HSPH1: variants seen among roughly 807,000 people sequenced by gnomAD.
HSPH1 encodes heat shock protein 105 kDa.
In HSPH1, 40 loss-of-function variants were observed where a neutral mutation model predicts 100.0. The observed-to-expected ratio is 0.40, with a 90% CI of 0.31 to 0.52. The LOEUF (loss-of-function observed/expected upper bound fraction) is 0.52. HSPH1 is among the 20% of genes least tolerant of loss of function. The pLI is 0.54. For missense variants in HSPH1, 876 were observed against 1,015.1 expected (o/e 0.86, Z 1.86); for synonymous variants, 403 against 344.0 (o/e 1.17, Z -1.90).
chr13:31,144,785 G>C (rs570834207), intron 11 of HSPH1, among the ~76,000 whole-genome samples: 1 of 152,188 alleles, frequency 6.6e-6, no homozygotes, highest in East Asian at 1.9e-4. Context: ...GAAAGTATAT[G>C]GCACTCATCA....
intron 3 of HSPH1, among the ~76,000 whole-genome samples, chr13:31,155,125 C>A (rs1956636386): frequency 6.6e-6 from 1 of 152,118 alleles, no homozygotes; most frequent in African/African-American, 2.4e-5. Flanking sequence ...GATCACAAGA[C>A]AGGAATACCT....
At chr13:31,159,205 A>G (rs1956809297) in intron 1 of HSPH1, among the ~76,000 whole-genome samples, 1 of 152,226 alleles carries the variant, frequency 6.6e-6, no homozygotes. Context: ...CTAACAAAAA[A>G]TAGGATGTGA....
At chr13:31,147,222 TTTC>T (rs749397435) in intron 10 of HSPH1, among the ~76,000 whole-genome samples, 29 of 152,194 alleles carry the variant, frequency 1.9e-4, no homozygotes, top group Non-Finnish European at 3.2e-4. Flanking sequence ...CATGCAATGA[TTTC>T]TTTTCCTAAA....
intron 17 of HSPH1, among the ~76,000 whole-genome samples, chr13:31,137,987 A>T (rs1395057574): frequency 6.6e-6 from 1 of 152,088 alleles, no homozygotes; most frequent in Non-Finnish European, 1.5e-5. Context: ...AGCCTCACAT[A>T]CAACAAGACC....
In HSPH1 at chr13:31,135,154, T is replaced by C. The variant is rs1040600023; in HGVS notation, c.*2164A>G. On this transcript the variant is annotated 3_prime_UTR_variant, in exon 18 of 18. Transcript: ENST00000320027. ...ATGATATTAATACGTTATTATAAAG[T>C]AATCAACATGACAATACTTTTGCCC... The C allele has an allele frequency of 1.3e-5, 2 of 152,234 alleles. No individual in the cohort carries two copies. The highest frequency in any genetic ancestry group is 2.9e-5 in the Non-Finnish European group (2 of 68,042). The allele number at this position is 152,234 out of a possible 1,614,324, so 9.4% of individuals were successfully genotyped here.
chr13:31,162,380 G>C (rs769836238), upstream of HSPH1: 631 of 519,440 alleles, frequency 1.2e-3, 3 homozygotes, highest in Middle Eastern at 4.7e-3. Context: ...GTCCCGCTGG[G>C]AGAAGTGTGC....
intron 2 of HSPH1, 106 bp from the exon 3 acceptor site, chr13:31,155,760 A>G: frequency 1.2e-6 from 1 of 818,714 alleles, no homozygotes; most frequent in Non-Finnish European, 1.9e-6. Context: ...CAATCCTATG[A>G]GTGCACATAA....
intron 3 of HSPH1, 135 bp downstream of exon 3, chr13:31,155,379 T>C (rs1183088630): frequency 1.6e-6 from 1 of 611,370 alleles, no homozygotes; most frequent in East Asian, 2.8e-5. Context: ...CTACTATACT[T>C]TAAAAGGAGC....
intron 13 of HSPH1, chr13:31,140,909 A>C: frequency 2.7e-6 from 1 of 367,164 alleles, no homozygotes; most frequent in South Asian, 1.0e-4. Flanking sequence ...TTTCACAAGA[A>C]CTCAGCCAAT....
At position 31,138,786 on chromosome 13, in the gene HSPH1, T is replaced by G; in HGVS notation, c.2203A>C (p.Asn735His). 1 of 1,604,602 alleles carries G rather than the reference T, an allele frequency of 6.2e-7. No individual in the cohort carries two copies. The highest frequency in any genetic ancestry group is 8.5e-7 in the Non-Finnish European group (1 of 1,177,510). The part of the protein sequence containing the change: ...HYAKIAADFR[N>H]KDEKYNHIDE... ...GTACAAAAAGACTGACTCACCTTAT[T>G]TCTGAAGTCAGCTGCTATCTTGGCA... The change falls in exon 16 of 18, where the codon AAT becomes CAT. Residue 735 changes from asparagine to histidine, a missense_variant. Physicochemically the swap from Asn to His is moderately conservative, Grantham distance 68. Transcript: ENST00000320027.
chr13:31,145,513 T>C, intron 11 of HSPH1, 50 bp downstream of exon 11: 1 of 1,434,836 alleles, frequency 7.0e-7, no homozygotes, highest in Non-Finnish European at 9.8e-7. Flanking sequence ...TCCTATAGCT[T>C]AGAACTAAGT....
rs773201196 is a variant in HSPH1 at position 31,138,865 on chromosome 13, T to C, written c.2124A>G (p.Glu708=). 1 of 1,609,638 alleles carries C rather than the reference T, an allele frequency of 6.2e-7. No individual in the cohort carries two copies. Among genetic ancestry groups the C allele is most frequent in the Non-Finnish European group, 8.5e-7 (1 of 1,177,756 alleles). Residue 708 remains glutamate, a synonymous_variant, in exon 16 of 18, where the codon GAA becomes GAG. Coordinates refer to ENST00000320027, the MANE Select transcript of HSPH1 (RefSeq NM_006644.4). ...CAAACATTTTTGGCCGTTCTTCAGC[T>C]TCCTGAAACCGAACTTTAACTGGAG... ...IGTPVKVRFQ[E]AEERPKMFEE...
chr13:31,146,174 A>G (rs1211681236), intron 10 of HSPH1, among the ~76,000 whole-genome samples: 2 of 152,134 alleles, frequency 1.3e-5, no homozygotes, highest in Non-Finnish European at 2.9e-5. Context: ...AAGGAGACAG[A>G]TAAGAAAAAT....
At chr13:31,153,872 A>G (rs1359930939) in intron 4 of HSPH1, 1 of 149,814 alleles carries the variant, frequency 6.7e-6, no homozygotes, top group East Asian at 1.9e-4. Context: ...GTGGGGAGGG[A>G]GAAGCCACTG....
At chr13:31,153,293 T>C (rs1291095542) in intron 4 of HSPH1, among the ~76,000 whole-genome samples, 1 of 152,188 alleles carries the variant, frequency 6.6e-6, no homozygotes, top group African/African-American at 2.4e-5. Flanking sequence ...TCCAAACTAG[T>C]TGTAAGTTTC....
chr13:31,135,623 A>G lies in HSPH1; in HGVS notation c.*1695T>C, dbSNP rs531247832. 1 of 152,372 alleles carries G rather than the reference A, an allele frequency of 6.6e-6. No homozygotes were observed. Among genetic ancestry groups the G allele is most frequent in the Admixed American group, 6.5e-5 (1 of 15,302 alleles). 9.4% of individuals were successfully genotyped at this position (152,372 alleles called of 1,614,324 possible). On this transcript the variant is annotated 3_prime_UTR_variant, in exon 18 of 18. Transcript: ENST00000320027. The stretch of plus-strand genomic sequence containing the variant: ...ATGTTGAAGCACCTATCAGACGTAC[A>G]AATGACGAGCTACCTGGTCTAGATG...
rs527818681 is a variant in HSPH1, at chr13:31,139,062, G to A, written c.2026C>T (p.Leu676=). 3 of 1,612,980 alleles carry A rather than the reference G, an allele frequency of 1.9e-6. No individual in the cohort carries two copies. In the South Asian group the frequency reaches 3.3e-5, roughly 18 times the overall value. ...LRLLTETEDW[L]YEEGEDQAKQ... is the part of the protein sequence containing the mutation. ...GCTTGGTCCTCTCCTTCTTCATACA[G>A]CCAGTCTTCAGTTTCTGTGAGGAGT... The change falls in exon 15 of 18, where the codon CTG becomes TTG. Residue 676 remains leucine, a synonymous_variant. Transcript: ENST00000320027.
At chr13:31,141,033 T>C in intron 13 of HSPH1, 89 bp downstream of exon 13, 1 of 762,308 alleles carries the variant, frequency 1.3e-6, no homozygotes, top group South Asian at 3.4e-5. Context: ...TGAGAAAGAA[T>C]TATGGCCATT....
intron 4 of HSPH1, among the ~76,000 whole-genome samples, chr13:31,153,350 A>C (rs1956556077): frequency 6.6e-6 from 1 of 152,224 alleles, no homozygotes; most frequent in Admixed American, 6.5e-5. Flanking sequence ...TTAATGTTCA[A>C]CATAATTAAA....
Sources: gnomAD v4.1 joint callset for allele counts (sites outside exome capture counted in the v4.1 genomes callset) on GRCh38, gnomAD v4.1.1 for gene constraint, MANE v1.5 for transcripts, NCBI Gene and HGNC (gene_info 2026-07-23, HGNC 2026-07-21) for gene names.